SCP2: variants seen among roughly 807,000 people sequenced by gnomAD.
SCP2 encodes sterol carrier protein 2.
SCP2 carries 48 observed loss-of-function variants against 71.4 expected under a neutral mutation model. The observed-to-expected ratio is 0.67, with a 90% confidence interval of 0.53 to 0.86. The LOEUF is 0.86. SCP2 is among the 40% of genes least tolerant of loss of function. The pLI is 0.00. For missense variants in SCP2, 560 were observed against 655.6 expected (o/e 0.85, Z 1.59); for synonymous variants, 220 against 218.1 (o/e 1.01, Z -0.08).
intron 10 of SCP2, among the ~76,000 whole-genome samples, chr1:52,987,651 A>G: frequency 6.6e-6 from 1 of 152,300 alleles, no homozygotes; most frequent in East Asian, 1.9e-4. Context: ...TATAGTATAT[A>G]GCAGTACAGA....
Position 52,988,031 on chromosome 1 carries a change from CA to C in SCP2, c.978del (p.Gly327ValfsTer18). ...GAATACTATTTTTTCTTCTATAGGA[CA>C]AGGTGCAACGCTGGTTGATAGAGGA... ...YEALGLCPEG[Q>X]GATLVDRGDN... On this transcript the variant is annotated frameshift_variant, in exon 11 of 16. Transcript: ENST00000371514. LOFTEE classifies it high-confidence loss of function. 1 of 1,510,352 alleles carries C rather than the reference CA, an allele frequency of 6.6e-7. No homozygotes were observed. Among genetic ancestry groups the C allele is most frequent in the Non-Finnish European group, 9.2e-7 (1 of 1,087,838 alleles). The allele number at this position is 1,510,352 out of a possible 1,614,324, so 93.6% of individuals were successfully genotyped here. A position where few individuals can be genotyped will look rare whatever the true frequency, so the allele number is the denominator to read the frequency against.
chr1:53,038,832 A>G, intron 13 of SCP2, 85 bp from the exon 14 acceptor site: 1 of 1,541,934 alleles, frequency 6.5e-7, no homozygotes, highest in Non-Finnish European at 9.0e-7. Context: ...TACTCATATC[A>G]TGTATCTATT....
At chr1:52,991,852 G>C (rs1659538071) in intron 11 of SCP2, among the ~76,000 whole-genome samples, 1 of 151,970 alleles carries the variant, frequency 6.6e-6, no homozygotes, top group African/African-American at 2.4e-5. Flanking sequence ...AACTTCATGG[G>C]ACTGTTGTAC....
intron 12 of SCP2, among the ~76,000 whole-genome samples, chr1:53,025,955 C>T (rs1035879460): frequency 1.3e-5 from 2 of 152,174 alleles, no homozygotes; most frequent in African/African-American, 4.8e-5. Flanking sequence ...ATTATAGAGA[C>T]TCTGGTCTTA....
At chr1:53,028,096 A>G in intron 13 of SCP2, 25 bp downstream of exon 13, 1 of 1,327,106 alleles carries the variant, frequency 7.5e-7, no homozygotes, top group Non-Finnish European at 1.1e-6. Context: ...AAATATTGCC[A>G]GGAAGGACCT....
chr1:52,976,845 T>C (rs1658015441), intron 8 of SCP2, 76 bp downstream of exon 8: 1 of 811,386 alleles, frequency 1.2e-6, no homozygotes, highest in Non-Finnish European at 2.2e-6. Context: ...TGGTTAAACC[T>C]TAGGCTCTGC....
At position 52,927,315 on chromosome 1, in the gene SCP2, T is replaced by A; in HGVS notation, c.-82T>A. The A allele has an allele frequency of 7.9e-7, 1 of 1,265,718 alleles. No individual in the cohort carries two copies. The highest frequency in any genetic ancestry group is 1.1e-6 in the Non-Finnish European group (1 of 895,240). 78.4% of individuals were successfully genotyped at this position (1,265,718 alleles called of 1,614,324 possible). A position where few individuals can be genotyped will look rare whatever the true frequency, so the allele number is the denominator to read the frequency against. ...CCGCCCGCGGCCCTGGCTTCGGGCT[T>A]CAGGGAGCTCTGGTGCAGTCTCCGC... On this transcript the variant is annotated 5_prime_UTR_variant, in exon 1 of 16. Transcript: ENST00000371514.
intron 14 of SCP2, among the ~76,000 whole-genome samples, chr1:53,041,254 T>C (rs1663409140): frequency 6.6e-6 from 1 of 151,768 alleles, no homozygotes; most frequent in South Asian, 2.1e-4. Context: ...ATACAAAAAA[T>C]TAGCTGGGTG....
intron 9 of SCP2, among the ~76,000 whole-genome samples, chr1:52,979,568 T>C (rs1658296462): frequency 6.6e-6 from 1 of 152,160 alleles, no homozygotes; most frequent in African/African-American, 2.4e-5. Flanking sequence ...TTTGGAAAAA[T>C]GGTTTGAATC....
chr1:53,000,252 C>CAAAAAAAAAAAAAAAAAAAAAAA (rs34392119), intron 11 of SCP2, among the ~76,000 whole-genome samples: 1 of 92,120 alleles, frequency 1.1e-5, no homozygotes, highest in Non-Finnish European at 2.7e-5. Context: ...TAGTTTCTAC[C>CAAAAAAAAAAAAAAAAAAAAAAA]AAAAAAAAAA....
intron 5 of SCP2, among the ~76,000 whole-genome samples, chr1:52,958,252 T>G (rs1045869943): frequency 2.0e-5 from 3 of 151,270 alleles, no homozygotes; most frequent in Non-Finnish European, 2.9e-5. Context: ...TTTTTTGAGA[T>G]GGAGTCTCTG....
intron 12 of SCP2, among the ~76,000 whole-genome samples, chr1:53,022,106 A>G (rs1379899272): frequency 6.6e-6 from 1 of 152,236 alleles, no homozygotes; most frequent in Admixed American, 6.5e-5. Context: ...CGTCACCTCA[A>G]GAGAAAGTGT....
chr1:52,984,964 C>T (rs541119891), intron 10 of SCP2, among the ~76,000 whole-genome samples: 43 of 151,718 alleles, frequency 2.8e-4, no homozygotes, highest in Non-Finnish European at 4.9e-4. Flanking sequence ...CTCAGCCTCC[C>T]GAGTAGCTGG....
At chr1:52,935,725 C>A (rs976837132) in intron 1 of SCP2, among the ~76,000 whole-genome samples, 1 of 151,960 alleles carries the variant, frequency 6.6e-6, no homozygotes, top group African/African-American at 2.4e-5. Context: ...CTTACTTGAG[C>A]CCAGGAGTTT....
At chr1:53,014,062 ATTTTTT>A (rs35223104) in intron 11 of SCP2, among the ~76,000 whole-genome samples, 1 of 131,436 alleles carries the variant, frequency 7.6e-6, no homozygotes, top group Non-Finnish European at 1.6e-5. Context: ...CGCCCGGCTA[ATTTTTT>A]TTTTTTTTTT....
At position 52,961,490 on chromosome 1, in the gene SCP2, T is replaced by TC. The variant is rs778181962; in HGVS notation, c.397-7dup. On this transcript the variant is annotated splice_polypyrimidine_tract_variant and intron_variant, in intron 5 of 15. Transcript: ENST00000371514. ...ATGTCAGCTGCTTATGAAATTTTGT[T>TC]CCCCCCTCTTAGTTTTCAGATAGAA... 1 of 1,613,508 alleles carries TC rather than the reference T, an allele frequency of 6.2e-7. No individual in the cohort carries two copies. Among genetic ancestry groups the TC allele is most frequent in the East Asian group, 2.2e-5 (1 of 44,832 alleles).
At chr1:53,047,995 C>A (rs770874876) in intron 15 of SCP2, 58 bp downstream of exon 15, 14 of 1,158,822 alleles carry the variant, frequency 1.2e-5, no homozygotes, top group Non-Finnish European at 1.6e-5. Flanking sequence ...CCTTTCTACT[C>A]CATCTCCTGA....
intron 8 of SCP2, 103 bp from the exon 9 acceptor site, chr1:52,978,114 G>A (rs1557579963): frequency 2.0e-6 from 2 of 1,020,768 alleles, no homozygotes; most frequent in Admixed American, 1.8e-5. Context: ...CCACTGACCA[G>A]CAAGCATATT....
chr1:53,021,643 T>G (rs200496890), intron 12 of SCP2, among the ~76,000 whole-genome samples: 4 of 109,150 alleles, frequency 3.7e-5, no homozygotes, highest in Admixed American at 1.1e-4. Flanking sequence ...TTCTTTTTCT[T>G]TCTTTTTTTT....
Sources: gnomAD v4.1 joint callset for allele counts (sites outside exome capture counted in the v4.1 genomes callset) on GRCh38, gnomAD v4.1.1 for gene constraint, MANE v1.5 for transcripts, NCBI Gene and HGNC (gene_info 2026-07-23, HGNC 2026-07-21) for gene names.